RPGRIP1: variants seen among roughly 807,000 people sequenced by gnomAD.
The protein encoded by RPGRIP1 is RPGR interacting protein 1.
RPGRIP1 carries 128 observed loss-of-function variants against 157.9 expected under a neutral mutation model. The observed-to-expected ratio is 0.81, with a 90% CI of 0.70 to 0.94. The LOEUF is 0.94. Ranked by LOEUF, RPGRIP1 falls within the 40% of genes least tolerant of loss-of-function variation. The pLI is 0.00. For synonymous variants in RPGRIP1, 554 were observed against 571.6 expected, an observed-to-expected ratio of 0.97 and a Z score of 0.44; for missense variants, 1,486 against 1,545.8, an observed-to-expected ratio of 0.96 and a Z score of 0.65.
rs575097149 is a variant in RPGRIP1 at position 21,323,292 on chromosome 14, G to A, written c.1762+1288G>A. 3.9e-5 allele frequency among the ~76,000 whole-genome samples: 6 copies of A among 152,096 alleles called. No individual in the cohort carries two copies. The East Asian group carries it at 9.7e-4, about 25-fold the overall frequency. The stretch of plus-strand genomic sequence containing the variant: ...GAACAATTAGCTGGGCATGGTGGCG[G>A]GCACCTGTAACCCCAGATACTTAGG... On this transcript the variant is annotated intron_variant, in intron 14 of 24. Coordinates refer to ENST00000400017, the MANE Select transcript of RPGRIP1 (RefSeq NM_020366.4).
intron 3 of RPGRIP1, among the ~76,000 whole-genome samples, chr14:21,296,552 T>C (rs1256782654): frequency 6.6e-6 from 1 of 151,854 alleles, no homozygotes; most frequent in Non-Finnish European, 1.5e-5. Flanking sequence ...GGTTTCACCA[T>C]GTTGGCCAGG....
chr14:21,298,129 G>T (rs908874369), intron 3 of RPGRIP1, among the ~76,000 whole-genome samples: 3 of 152,022 alleles, frequency 2.0e-5, no homozygotes, highest in Non-Finnish European at 4.4e-5. Context: ...ACAAAATTAG[G>T]CAGTGGACTT....
chr14:21,328,652 A>G (rs768823686), intron 19 of RPGRIP1, 25 bp downstream of exon 19: 5 of 1,541,684 alleles, frequency 3.2e-6, no homozygotes, highest in Non-Finnish European at 4.5e-6. Flanking sequence ...ACTCTGAAGC[A>G]CTAAATTGTG....
chr14:21,336,770 T>C (rs937572000), intron 21 of RPGRIP1, among the ~76,000 whole-genome samples: 4 of 152,152 alleles, frequency 2.6e-5, no homozygotes, highest in Non-Finnish European at 5.9e-5. Context: ...GTTTTTAAAC[T>C]GCGCAACCTC....
intron 23 of RPGRIP1, among the ~76,000 whole-genome samples, chr14:21,346,723 G>A (rs1885610378): frequency 6.6e-6 from 1 of 152,164 alleles, no homozygotes; most frequent in African/African-American, 2.4e-5. Context: ...TTGTTTTAGA[G>A]ACAGGATCTC....
chr14:21,329,668 A>AT (rs1883516050), intron 19 of RPGRIP1, among the ~76,000 whole-genome samples: 1 of 150,752 alleles, frequency 6.6e-6, no homozygotes, highest in East Asian at 2.1e-4. Flanking sequence ...CACCCAGCTA[A>AT]TTTTTGTATT....
At chr14:21,288,979 T>C (rs545754085) in intron 2 of RPGRIP1, among the ~76,000 whole-genome samples, 1 of 152,242 alleles carries the variant, frequency 6.6e-6, no homozygotes, top group South Asian at 2.1e-4. Flanking sequence ...GCAGAAGTGT[T>C]CAATTTAAGA....
intron 17 of RPGRIP1, among the ~76,000 whole-genome samples, chr14:21,327,022 G>T (rs1265763485): frequency 6.6e-6 from 1 of 152,118 alleles, no homozygotes; most frequent in Non-Finnish European, 1.5e-5. Context: ...TCCTTAGGAA[G>T]TGGGGATAGC....
chr14:21,328,622 C>G lies in RPGRIP1; in HGVS notation c.3094C>G (p.Pro1032Ala). Residue 1032 changes from proline to alanine, a missense_variant, in exon 19 of 25, where the codon CCA becomes GCA. Transcript: ENST00000400017. ...CCTTAACATCTTAAATGGAAATACACCAGAGGTAAGACCTTAAAAACTCTG... is the reference window on the plus strand; with the variant it reads ...CCTTAACATCTTAAATGGAAATACAGCAGAGGTAAGACCTTAAAAACTCTG... ...LSLNILNGNT[P>A]EQVNYTEWKF... 1 of 1,608,118 alleles carries G rather than the reference C, an allele frequency of 6.2e-7. No homozygotes were observed. Among genetic ancestry groups the G allele is most frequent in the Non-Finnish European group, 8.5e-7 (1 of 1,174,744 alleles).
chr14:21,327,358 C>A (rs1335699678), intron 17 of RPGRIP1, among the ~76,000 whole-genome samples: 1 of 152,144 alleles, frequency 6.6e-6, no homozygotes, highest in Non-Finnish European at 1.5e-5. Flanking sequence ...TGATGACAAG[C>A]AAGCTGTACT....
intron 21 of RPGRIP1, among the ~76,000 whole-genome samples, chr14:21,341,417 G>A (rs1007291905): frequency 2.6e-5 from 4 of 152,150 alleles, no homozygotes; most frequent in African/African-American, 9.7e-5. Flanking sequence ...TTAGGGGCAG[G>A]CACAGGAGCT....
intron 22 of RPGRIP1, among the ~76,000 whole-genome samples, chr14:21,343,942 T>C (rs1885307203): frequency 7.8e-6 from 1 of 128,824 alleles, no homozygotes; most frequent in African/African-American, 2.8e-5. Context: ...CAGGCTGGTT[T>C]CAAACTCCTG....
At chr14:21,317,920 G>A in intron 11 of RPGRIP1, 70 bp downstream of exon 11, 1 of 1,356,874 alleles carries the variant, frequency 7.4e-7, no homozygotes, top group Non-Finnish European at 1.0e-6. Context: ...AAGATAACTT[G>A]AGCCATCATT....
At chr14:21,322,745 T>C (rs1015442947) in intron 14 of RPGRIP1, among the ~76,000 whole-genome samples, 2 of 152,368 alleles carry the variant, frequency 1.3e-5, no homozygotes, top group Middle Eastern at 3.4e-3. Flanking sequence ...TCTCCTGTTA[T>C]TCTTGTCAGT....
intron 20 of RPGRIP1, among the ~76,000 whole-genome samples, chr14:21,333,362 G>A (rs1447954515): frequency 1.6e-5 from 2 of 128,970 alleles, no homozygotes; most frequent in Non-Finnish European, 1.5e-5. Context: ...TTTGCTGCCC[G>A]CTCAGACCTT....
At chr14:21,341,837 C>T (rs1224035382) in intron 21 of RPGRIP1, among the ~76,000 whole-genome samples, 3 of 151,978 alleles carry the variant, frequency 2.0e-5, no homozygotes, top group South Asian at 2.1e-4. Flanking sequence ...GGGTGGATCA[C>T]GAGGTCAGGA....
At chr14:21,280,302 G>A (rs928716797) in intron 1 of RPGRIP1, among the ~76,000 whole-genome samples, 143 bp downstream of exon 1, 3 of 139,164 alleles carry the variant, frequency 2.2e-5, no homozygotes, top group Non-Finnish European at 3.0e-5. Context: ...GGAGTGCACC[G>A]GCACTATCTC....
chr14:21,287,969 C>G lies in RPGRIP1; in HGVS notation c.-8C>G. Reference sequence around the variant, plus strand: ...TCTGGGATCTCTTACAGCTTGGGAACAGAGATCATGTCACATCTGGTGGAC... The same window carrying G: ...TCTGGGATCTCTTACAGCTTGGGAAGAGAGATCATGTCACATCTGGTGGAC... On this transcript the variant is annotated 5_prime_UTR_variant, in exon 2 of 25. Transcript: ENST00000400017. 1 of 1,602,236 alleles carries G rather than the reference C, an allele frequency of 6.2e-7. No homozygotes were observed. Among genetic ancestry groups the G allele is most frequent in the Non-Finnish European group, 8.5e-7 (1 of 1,170,378 alleles).
chr14:21,348,899 G>T (rs1466266615), intron 24 of RPGRIP1, among the ~76,000 whole-genome samples: 1 of 151,686 alleles, frequency 6.6e-6, no homozygotes, highest in Non-Finnish European at 1.5e-5. Context: ...GACCTCAAGT[G>T]ATCTGCTTGC....
Sources: allele counts gnomAD v4.1 joint callset (sites outside exome capture counted in the v4.1 genomes callset), GRCh38; gene constraint gnomAD v4.1.1; transcripts MANE v1.5; gene names NCBI Gene and HGNC (gene_info 2026-07-23, HGNC 2026-07-21).